SLC30A4: variants seen among roughly 807,000 people sequenced by gnomAD.
The protein encoded by SLC30A4 is solute carrier family 30 member 4.
A neutral mutation model predicts 41.7 loss-of-function variants in SLC30A4; 20 were observed. That is an observed-to-expected ratio of 0.48 (90% confidence interval 0.34 to 0.70). The LOEUF is 0.70. Among genes scored for constraint, SLC30A4 ranks in the 30% least tolerant of loss-of-function variants. SLC30A4 has a pLI of 0.01. For synonymous variants in SLC30A4, 181 were observed against 195.9 expected (o/e 0.92, Z 0.64); for missense variants, 441 against 529.3 (o/e 0.83, Z 1.64).
Position 45,490,760 on chromosome 15 carries a change from G to T in SLC30A4, c.660C>A (p.Ile220=), listed in dbSNP as rs769878936. 6.2e-7 allele frequency: 1 copy of T among 1,607,634 alleles called. No homozygotes were observed. Among genetic ancestry groups the T allele is most frequent in the African/African-American group, 1.3e-5 (1 of 74,688 alleles). Residue 220 remains isoleucine (I), a synonymous_variant, in exon 4 of 8, where the codon ATC becomes ATA. Coordinates refer to ENST00000261867, the MANE Select transcript of SLC30A4 (RefSeq NM_013309.6). ...TAACTGCAACTCCAACAGCTGCGGT[G>T]ATGAGCATTATATCTCCATTTATTT... ...NYEINGDIML[I]TAAVGVAVNV...
intron 3 of SLC30A4, among the ~76,000 whole-genome samples, chr15:45,504,323 C>A (rs1243891733): frequency 6.6e-6 from 1 of 152,124 alleles, no homozygotes; most frequent in Non-Finnish European, 1.5e-5. Context: ...TTCATTGGTA[C>A]TTCAAAACTA....
At position 45,482,540 on chromosome 15, in the gene SLC30A4, C is replaced by T. The variant is rs1448007000; in HGVS notation, c.*2623G>A. The T allele has an allele frequency of 6.6e-6, 1 of 151,802 alleles. No homozygotes were observed. The allele number at this position is 151,802 out of a possible 1,614,324, so 9.4% of individuals were successfully genotyped here. On this transcript the variant is annotated 3_prime_UTR_variant, in exon 8 of 8. Coordinates refer to ENST00000261867, the MANE Select transcript of SLC30A4 (RefSeq NM_013309.6). ...CCTTTATAAGATAAAGAAAAGTTTACAAGAAACAAGCTCAATAGATATAAA... is the reference window on the plus strand; with the variant it reads ...CCTTTATAAGATAAAGAAAAGTTTATAAGAAACAAGCTCAATAGATATAAA...
At position 45,522,607 on chromosome 15, in the gene SLC30A4, C is replaced by G. The variant is rs1892712227; in HGVS notation, c.-115G>C. The G allele has an allele frequency of 2.7e-6, 1 of 365,462 alleles. No homozygotes were observed. The highest frequency in any genetic ancestry group is 2.1e-5 in the African/African-American group (1 of 47,404). The allele number at this position is 365,462 out of a possible 1,614,324, so 22.6% of individuals were successfully genotyped here. On this transcript the variant is annotated splice_region_variant and 5_prime_UTR_variant, in exon 1 of 8. Transcript: ENST00000261867. ...AGGGGGCGGCACATCTATTTAATACCTGGGGCGCTGCCGCGGGGCCGCAAC... is the reference window on the plus strand; with the variant it reads ...AGGGGGCGGCACATCTATTTAATACGTGGGGCGCTGCCGCGGGGCCGCAAC...
rs1280371169 is a variant in SLC30A4 at position 45,484,719 on chromosome 15, A to C, written c.*444T>G. On this transcript the variant is annotated 3_prime_UTR_variant, in exon 8 of 8. Transcript: ENST00000261867. ...GTTGGGTAGTAATTTCTGTAAAAAG[A>C]AAGCAGCAATTCCAGAAGCTGGGTG... is the stretch of plus-strand genomic sequence containing the variant. 1 of 153,912 alleles carries C rather than the reference A, an allele frequency of 6.5e-6. No individual in the cohort carries two copies. The highest frequency in any genetic ancestry group is 1.4e-5 in the Non-Finnish European group (1 of 69,284). The allele number at this position is 153,912 out of a possible 1,614,324, so 9.5% of individuals were successfully genotyped here. A position where few individuals can be genotyped will look rare whatever the true frequency, so the allele number is the denominator to read the frequency against.
chr15:45,482,057 TAA>T lies in SLC30A4; in HGVS notation c.*3104_*3105del, dbSNP rs57854212. The T allele has an allele frequency of 0.12, 4,423 of 35,394 alleles. 89 individuals carry two copies. The highest frequency in any genetic ancestry group is 0.15 in the Non-Finnish European group (2,733 of 18,412). The allele number at this position is 35,394 out of a possible 1,614,324, so 2.2% of individuals were successfully genotyped here. The stretch of plus-strand genomic sequence containing the variant: ...GCAACATAGGGAGACCCCATCTCAT[TAA>T]AAAAAAAAAAAAAAAAAAAAAAAAA... On this transcript the variant is annotated 3_prime_UTR_variant, in exon 8 of 8. Coordinates refer to ENST00000261867, the MANE Select transcript of SLC30A4 (RefSeq NM_013309.6).
At position 45,482,204 on chromosome 15, in the gene SLC30A4, G is replaced by A. The variant is rs1555390707; in HGVS notation, c.*2959C>T. The A allele has an allele frequency of 6.6e-6, 1 of 152,232 alleles. No homozygotes were observed. Among genetic ancestry groups the A allele is most frequent in the Non-Finnish European group, 1.5e-5 (1 of 68,310 alleles). 9.4% of individuals were successfully genotyped at this position (152,232 alleles called of 1,614,324 possible). A position where few individuals can be genotyped will look rare whatever the true frequency, so the allele number is the denominator to read the frequency against. ...AGGCCGAGGTGGGCAGATCACTTGA[G>A]CTCAGGAGTTCAAGACCAGCCTGGG... On this transcript the variant is annotated 3_prime_UTR_variant, in exon 8 of 8. Coordinates refer to ENST00000261867, the MANE Select transcript of SLC30A4 (RefSeq NM_013309.6).
At chr15:45,522,556 C>A (rs1892710002) in intron 1 of SLC30A4, 51 bp downstream of exon 1, 1 of 503,314 alleles carries the variant, frequency 2.0e-6, no homozygotes, top group Non-Finnish European at 3.4e-6. Context: ...GCAGGGCCGA[C>A]CCCGACGCTC....
At position 45,486,591 on chromosome 15, in the gene SLC30A4, AT is replaced by A; in HGVS notation, c.1135+19del. 1 of 1,572,352 alleles carries A rather than the reference AT, an allele frequency of 6.4e-7. No homozygotes were observed. On this transcript the variant is annotated intron_variant, in intron 7 of 7. Transcript: ENST00000261867. The stretch of plus-strand genomic sequence containing the variant: ...AGAAGTCCACCAACCCCAGGCCCAC[AT>A]TTACTACCAGCAACATACTTAGCTG...
intron 3 of SLC30A4, among the ~76,000 whole-genome samples, chr15:45,503,948 AAAATAAAT>A (rs759138085): frequency 6.6e-6 from 1 of 152,082 alleles, no homozygotes; most frequent in African/African-American, 2.4e-5. Flanking sequence ...CTCAGTCTCC[AAAATAAAT>A]AAATAAATAA....
At position 45,522,642 on chromosome 15, in the gene SLC30A4, C is replaced by G. The variant is rs940943677; in HGVS notation, c.-150G>C. The stretch of plus-strand genomic sequence containing the variant: ...GCCGCGGGGCCGCAACTCATCTCCC[C>G]GCCCCCGGCCGGCTCAGCGAGGCGG... On this transcript the variant is annotated 5_prime_UTR_variant, in exon 1 of 8. Transcript: ENST00000261867. 3.8e-6 allele frequency: 1 copy of G among 265,066 alleles called. No homozygotes were observed. Among genetic ancestry groups the G allele is most frequent in the Non-Finnish European group, 7.0e-6 (1 of 143,016 alleles). 16.4% of individuals were successfully genotyped at this position (265,066 alleles called of 1,614,324 possible). A position where few individuals can be genotyped will look rare whatever the true frequency, so the allele number is the denominator to read the frequency against.
intron 3 of SLC30A4, among the ~76,000 whole-genome samples, chr15:45,500,609 G>GGGCT: frequency 7.4e-6 from 1 of 135,814 alleles, no homozygotes; most frequent in Middle Eastern, 3.9e-3. Context: ...CTATGTTAAG[G>GGGCT]GTCTGTCTAT....
chr15:45,504,050 C>T (rs1429318999), intron 3 of SLC30A4, among the ~76,000 whole-genome samples: 17 of 152,172 alleles, frequency 1.1e-4, no homozygotes, highest in Admixed American at 6.5e-5. Flanking sequence ...TCACTCCAGA[C>T]CATTTGGAGG....
chr15:45,522,045 T>A lies in SLC30A4; in HGVS notation c.310A>T (p.Ile104Leu), dbSNP rs770571208. ...SCDNCSKQREILKQRKVKARL... is the reference protein window; with the variant it reads ...SCDNCSKQRELLKQRKVKARL... ...GCTTTCACCTTTCTCTGCTTCAGTA[T>A]CTCTCTCTGTTTGCTGCAGTTGTCA... is the stretch of plus-strand genomic sequence containing the variant. The change falls in exon 2 of 8, where the codon ATA becomes TTA. Residue 104 changes from isoleucine (I) to leucine (L), a missense_variant. By Grantham distance (5) the Ile-to-Leu change is conservative (BLOSUM62 2). Transcript: ENST00000261867. 14 of 1,613,968 alleles carry A rather than the reference T, an allele frequency of 8.7e-6. No homozygotes were observed. In the East Asian group the frequency reaches 2.7e-4, roughly 31 times the overall value.
rs1226890911 is a variant in SLC30A4 at position 45,511,147 on chromosome 15, G to C, written c.529C>G (p.His177Asp). ...AACACCAACTACCTACCTAAGCGAT[G>C]AAATCCAAAGGTGAATCTTTTGGTT... ...SPTKRFTFGF[H>D]RLEVLSAMIS... Residue 177 changes from histidine (H) to aspartate (D), a missense_variant, in exon 3 of 8, where the codon CAT becomes GAT. Physicochemically the swap from His to Asp is moderately conservative, Grantham distance 81. Coordinates refer to ENST00000261867, the MANE Select transcript of SLC30A4 (RefSeq NM_013309.6). 8.7e-6 allele frequency: 14 copies of C among 1,612,810 alleles called. No individual in the cohort carries two copies. Among genetic ancestry groups the C allele is most frequent in the South Asian group, 2.2e-5 (2 of 90,802 alleles).
chr15:45,517,541 C>T (rs2453535), intron 2 of SLC30A4, among the ~76,000 whole-genome samples: 1 of 151,320 alleles, frequency 6.6e-6, no homozygotes, highest in Non-Finnish European at 1.5e-5. Flanking sequence ...TCAGTAGAGA[C>T]GGGGTTTCGC....
At position 45,487,960 on chromosome 15, in the gene SLC30A4, A is replaced by AGTGTGT. The variant is rs58392709; in HGVS notation, c.895-334_895-329dup. 4.2e-3 allele frequency among the ~76,000 whole-genome samples: 589 copies of AGTGTGT among 139,760 alleles called. 28 individuals are homozygous for AGTGTGT. The highest frequency in any genetic ancestry group is 0.014 in the African/African-American group (537 of 38,234). The allele number at this position is 139,760 out of a possible 152,430, so 91.7% of individuals were successfully genotyped here. ...TGTGTGTGTGTCAAAGCTGGAAAAA[A>AGTGTGT]GTGTGTGTGTGTGTGTGTGTGTGTG... is the stretch of plus-strand genomic sequence containing the variant. On this transcript the variant is annotated intron_variant, in intron 5 of 7. Transcript: ENST00000261867.
chr15:45,511,129 A>C lies in SLC30A4; in HGVS notation c.538+9T>G. On this transcript the variant is annotated intron_variant, in intron 3 of 7. Coordinates refer to ENST00000261867, the MANE Select transcript of SLC30A4 (RefSeq NM_013309.6). ...ATATTATAAAGCAAAAGAAACACCA[A>C]CTACCTACCTAAGCGATGAAATCCA... The C allele has an allele frequency of 1.2e-6, 2 of 1,607,790 alleles. No individual in the cohort carries two copies. Among genetic ancestry groups the C allele is most frequent in the South Asian group, 1.1e-5 (1 of 90,016 alleles).
intron 2 of SLC30A4, among the ~76,000 whole-genome samples, chr15:45,516,742 C>T (rs552242206): frequency 2.0e-5 from 3 of 152,070 alleles, no homozygotes; most frequent in South Asian, 2.1e-4. Flanking sequence ...TGATGGTGTG[C>T]ACCTGTAGTC....
At chr15:45,508,785 C>A (rs537836287) in intron 3 of SLC30A4, among the ~76,000 whole-genome samples, 2 of 152,248 alleles carry the variant, frequency 1.3e-5, no homozygotes, top group East Asian at 3.9e-4. Context: ...TCCAGAGACA[C>A]AATAGGACCG....
Sources: allele counts gnomAD v4.1 joint callset (sites outside exome capture counted in the v4.1 genomes callset), GRCh38; gene constraint gnomAD v4.1.1; transcripts MANE v1.5; gene names NCBI Gene and HGNC (gene_info 2026-07-23, HGNC 2026-07-21).